The following ITPR1 variants were observed in gnomAD, a reference collection of about 807,000 sequenced individuals.
The protein encoded by ITPR1 is inositol 1,4,5-trisphosphate receptor type 1, also known as inositol 1,4,5-trisphosphate-gated calcium channel ITPR1.
A neutral mutation model predicts 318.4 loss-of-function variants in ITPR1; 96 were observed. That is an observed-to-expected ratio of 0.30 (90% CI 0.26 to 0.36). The LOEUF is 0.36. Among genes scored for constraint, ITPR1 ranks in the 10% least tolerant of loss-of-function variants. The pLI, the probability that ITPR1 is intolerant of heterozygous loss-of-function variation, is 1.00. For missense variants in ITPR1, 2,440 were observed against 3,460.2 expected (o/e 0.71, Z 7.40); for synonymous variants, 1,312 against 1,289.9 (o/e 1.02, Z -0.37).
intron 40 of ITPR1, among the ~76,000 whole-genome samples, chr3:4,723,354 T>G (rs1327271730): frequency 1.3e-5 from 2 of 152,176 alleles, no homozygotes; most frequent in Non-Finnish European, 2.9e-5. Context: ...TTGAAAAGTG[T>G]TTTTCTGGTT....
At position 4,648,719 on chromosome 3, in the gene ITPR1, A is replaced by G. The variant is rs147229698; in HGVS notation, c.855+2991A>G. On this transcript the variant is annotated intron_variant, in intron 10 of 61. Transcript: ENST00000649015. ...CAGCTACTCGGGAGGCTGAGGCACG[A>G]GAATCACTTGAACCCGGGAGGCGGA... Among the ~76,000 whole-genome samples, 81 of 152,342 alleles carry G rather than the reference A, an allele frequency of 5.3e-4. 1 individual carries two copies. The highest frequency in any genetic ancestry group is 1.4e-3 in the South Asian group (7 of 4,828).
intron 31 of ITPR1, 34 bp downstream of exon 31, chr3:4,688,654 G>A (rs1218985146): frequency 3.7e-6 from 6 of 1,600,844 alleles, no homozygotes; most frequent in Non-Finnish European, 5.1e-6. Flanking sequence ...AATCTATAGA[G>A]GGAGGAGGGC....
At chr3:4,658,542 C>T (rs113024214) in intron 13 of ITPR1, among the ~76,000 whole-genome samples, 216 of 151,026 alleles carry the variant, frequency 1.4e-3, no homozygotes, top group African/African-American at 4.9e-3. Context: ...TTCCTAGTTC[C>T]CTCTACTCCC....
At chr3:4,822,258 C>G (rs910648724) in intron 60 of ITPR1, among the ~76,000 whole-genome samples, 2 of 152,198 alleles carry the variant, frequency 1.3e-5, no homozygotes, top group Admixed American at 1.3e-4. Context: ...GCACAGCCAG[C>G]CAGGAAGCAG....
At chr3:4,655,805 G>A (rs1041146429) in intron 12 of ITPR1, among the ~76,000 whole-genome samples, 2 of 152,160 alleles carry the variant, frequency 1.3e-5, no homozygotes, top group Admixed American at 1.3e-4. Context: ...TTGATTGGGG[G>A]TGGGCTGCTT....
At chr3:4,725,678 C>A (rs1384591482) in intron 41 of ITPR1, 97 bp downstream of exon 41, 6 of 1,098,590 alleles carry the variant, frequency 5.5e-6, no homozygotes, top group South Asian at 1.3e-5. Context: ...AACAAAAAGT[C>A]TCTCCCGGTG....
intron 9 of ITPR1, 38 bp downstream of exon 9, chr3:4,645,508 T>C (rs1426693212): frequency 3.6e-5 from 58 of 1,606,212 alleles, no homozygotes; most frequent in Non-Finnish European, 4.8e-5. Context: ...ATTACTTGGC[T>C]CTTCTTGGGG....
chr3:4,599,537 C>G (rs781199816), intron 4 of ITPR1, among the ~76,000 whole-genome samples: 5 of 152,146 alleles, frequency 3.3e-5, no homozygotes, highest in African/African-American at 4.8e-5. Flanking sequence ...TACAGTCTTG[C>G]CAACATCCTA....
intron 4 of ITPR1, among the ~76,000 whole-genome samples, chr3:4,593,685 C>A (rs2090571329): frequency 6.6e-6 from 1 of 152,132 alleles, no homozygotes; most frequent in Non-Finnish European, 1.5e-5. Flanking sequence ...TAAAAGGCAA[C>A]CGTGTTTGTT....
intron 5 of ITPR1, among the ~76,000 whole-genome samples, chr3:4,633,627 CTG>C (rs1181570620): frequency 6.6e-6 from 1 of 152,178 alleles, no homozygotes; most frequent in African/African-American, 2.4e-5. Flanking sequence ...GCAGGAATAA[CTG>C]GATTTTGACT....
intron 4 of ITPR1, among the ~76,000 whole-genome samples, chr3:4,526,938 T>C (rs1455326820): frequency 4.6e-5 from 7 of 152,216 alleles, no homozygotes; most frequent in Non-Finnish European, 1.0e-4. Context: ...TATATATAAG[T>C]AGAAGCAAAG....
At chr3:4,707,152 G>C (rs192101862) in intron 37 of ITPR1, among the ~76,000 whole-genome samples, 1 of 152,198 alleles carries the variant, frequency 6.6e-6, no homozygotes, top group Non-Finnish European at 1.5e-5. Flanking sequence ...CTACCTCGTG[G>C]GGTTGATGTG....
intron 53 of ITPR1, among the ~76,000 whole-genome samples, chr3:4,797,028 G>T (rs1357869736): frequency 6.6e-6 from 1 of 152,068 alleles, no homozygotes; most frequent in East Asian, 1.9e-4. Context: ...TTCTGAATGA[G>T]CCACCAACTC....
Position 4,710,809 on chromosome 3 carries a change from C to G in ITPR1, c.4991+336C>G, listed in dbSNP as rs1297445543. On this transcript the variant is annotated intron_variant, in intron 38 of 61. Coordinates refer to ENST00000649015, the MANE Select transcript of ITPR1 (RefSeq NM_001378452.1). The surrounding 1 kb of genome is among the most constrained non-coding windows in gnomAD (Gnocchi z 4.2). ...CCCTCAGCCCTCAGAAATCTCAGATCTATCGTGACCTCACCATCTTTTCCT... is the reference window on the plus strand; with the variant it reads ...CCCTCAGCCCTCAGAAATCTCAGATGTATCGTGACCTCACCATCTTTTCCT... Among the ~76,000 whole-genome samples the G allele has an allele frequency of 6.6e-6, 1 of 152,204 alleles. No homozygotes were observed. The highest frequency in any genetic ancestry group is 2.4e-5 in the African/African-American group (1 of 41,442).
At chr3:4,569,441 T>C (rs1156262221) in intron 4 of ITPR1, among the ~76,000 whole-genome samples, 1 of 152,248 alleles carries the variant, frequency 6.6e-6, no homozygotes, top group Admixed American at 6.5e-5. Context: ...TTTTTATGAC[T>C]ACGTTTTCAA....
At chr3:4,515,632 G>GGAGT (rs2082125447) in intron 2 of ITPR1, among the ~76,000 whole-genome samples, 1 of 152,118 alleles carries the variant, frequency 6.6e-6, no homozygotes, top group South Asian at 2.1e-4. Context: ...GCTGTTTCTA[G>GGAGT]GAGTCACATC....
At chr3:4,804,980 C>T (rs1196994447) in intron 54 of ITPR1, among the ~76,000 whole-genome samples, 4 of 152,082 alleles carry the variant, frequency 2.6e-5, no homozygotes, top group Non-Finnish European at 5.9e-5. Context: ...TCCTCCTGAG[C>T]CAAGTTTTTC....
rs771272478 is a variant in ITPR1 at position 4,683,399 on chromosome 3, C to T, written c.3175C>T (p.Pro1059Ser). 3.4e-5 allele frequency: 55 copies of T among 1,613,886 alleles called. No individual in the cohort carries two copies. Among genetic ancestry groups the T allele is most frequent in the Non-Finnish European group, 2.2e-5 (26 of 1,179,898 alleles). Reference protein sequence around the residue: ...GIFGGSEENTPLDLDDHGGRT... With the variant: ...GIFGGSEENTSLDLDDHGGRT... ...GTGCTCCTTTAGTGAGGAGAACACC[C>T]CACTGGACTTGGATGACCACGGCGG... Residue 1059 changes from proline (P) to serine (S), a missense_variant, in exon 27 of 62, where the codon CCA becomes TCA. Physicochemically the swap from Pro to Ser is moderately conservative, Grantham distance 74 (BLOSUM62 -1). This residue lies in a region of ITPR1 where 76 missense variants were observed against 132.2 expected (regional missense o/e 0.58). Coordinates refer to ENST00000649015, the MANE Select transcript of ITPR1 (RefSeq NM_001378452.1).
At chr3:4,651,895 C>T (rs1381269107) in intron 10 of ITPR1, among the ~76,000 whole-genome samples, 1 of 152,180 alleles carries the variant, frequency 6.6e-6, no homozygotes, top group African/African-American at 2.4e-5. Context: ...GTTTTTATTC[C>T]AACCATTGTA....
Sources: allele counts gnomAD v4.1 joint callset (sites outside exome capture counted in the v4.1 genomes callset), GRCh38; gene constraint gnomAD v4.1.1; regional missense constraint gnomAD v4.1.1; non-coding constraint Gnocchi (gnomAD v3.1); transcripts MANE v1.5; gene names NCBI Gene and HGNC (gene_info 2026-07-23, HGNC 2026-07-21).